The following PRH1 variants were observed in gnomAD, a reference collection of about 807,000 sequenced individuals.
PRH1 encodes salivary acidic proline-rich phosphoprotein 1/2.
PRH1 carries 7 observed loss-of-function variants against 7.9 expected under a neutral mutation model. The observed-to-expected ratio is 0.89, with a 90% confidence interval of 0.50 to 1.67. PRH1 has a LOEUF of 1.67. PRH1 is among the 40% of genes most tolerant of loss of function. The probability of loss-of-function intolerance (pLI) is 0.00; values close to 1 mark genes in which losing one functional copy is unlikely to be tolerated. For synonymous variants in PRH1, 45 were observed against 80.8 expected (o/e 0.56, Z 2.38); for missense variants, 109 against 223.6 (o/e 0.49, Z 3.27).
At chr12:11,118,603 A>C (rs988654269), downstream of PRH1, among the ~76,000 whole-genome samples, 1 of 152,206 alleles carries the variant, frequency 6.6e-6, no homozygotes, top group Non-Finnish European at 1.5e-5. Flanking sequence ...TAAGTGTATC[A>C]AACAGGTATC....
chr12:11,061,584 T>C (rs1196654455), intron 1 of PRH1: 1 of 1,614,078 alleles, frequency 6.2e-7, no homozygotes, highest in Non-Finnish European at 8.5e-7. Context: ...AAATGGCACA[T>C]AACAAGAGGA....
At chr12:11,104,089 G>C (rs1945336045) in intron 1 of PRH1, among the ~76,000 whole-genome samples, 1 of 150,282 alleles carries the variant, frequency 6.7e-6, no homozygotes, top group Non-Finnish European at 1.5e-5. Context: ...TGGACACTAG[G>C]ATGTTCCAGA....
At chr12:11,041,529 G>A (rs1217868706) in intron 1 of PRH1, among the ~76,000 whole-genome samples, 1 of 152,118 alleles carries the variant, frequency 6.6e-6, no homozygotes, top group Non-Finnish European at 1.5e-5. Context: ...TTCAATAATA[G>A]ATGGAGACTT....
At chr12:11,061,918 T>C (rs1943623756) in intron 1 of PRH1, 2 of 1,613,872 alleles carry the variant, frequency 1.2e-6, no homozygotes, top group African/African-American at 1.3e-5. Flanking sequence ...AACAACACTC[T>C]TAACTCTCCT....
chr12:11,161,018 G>T lies in PRH1; in HGVS notation n.39+10404C>A, dbSNP rs368639995. Among the ~76,000 whole-genome samples, 4 of 152,090 alleles carry T rather than the reference G, an allele frequency of 2.6e-5. No homozygotes were observed. In the East Asian group the frequency reaches 5.8e-4, roughly 22 times the overall value. On this transcript the variant is annotated intron_variant and non_coding_transcript_variant, in intron 1 of 1. Transcript: ENST00000541175. ...ACTATATTTCCAAGCCTCTCTTACA[G>T]ATGCAATGTGACTAAAAGCTGAACA...
intron 1 of PRH1, among the ~76,000 whole-genome samples, chr12:11,136,829 T>C (rs1645613356): frequency 6.6e-6 from 1 of 152,206 alleles, no homozygotes; most frequent in Non-Finnish European, 1.5e-5. Context: ...AAGACCAGCC[T>C]GTGCAATACA....
chr12:11,008,199 T>C (rs1940911964), intron 1 of PRH1, among the ~76,000 whole-genome samples: 1 of 152,112 alleles, frequency 6.6e-6, no homozygotes, highest in South Asian at 2.1e-4. Flanking sequence ...AATAAGAAAG[T>C]TTCTACTTCA....
At chr12:10,909,094 C>G in intron 2 of PRH1, 2 of 1,613,594 alleles carry the variant, frequency 1.2e-6, no homozygotes, top group Non-Finnish European at 1.7e-6. Flanking sequence ...TAATGCAGAG[C>G]TAAAAACCAA....
At chr12:10,989,882 G>C (rs11054138) in intron 1 of PRH1, among the ~76,000 whole-genome samples, 51,640 of 152,016 alleles carry the variant, frequency 0.34, 9,855 homozygotes, top group East Asian at 0.74. Flanking sequence ...TTTACATAAA[G>C]TTTTTCCTCT....
intron 1 of PRH1, among the ~76,000 whole-genome samples, chr12:11,131,886 T>C (rs192128833): frequency 6.6e-6 from 1 of 152,180 alleles, no homozygotes; most frequent in Non-Finnish European, 1.5e-5. Context: ...TATCCACCCA[T>C]TTATTTGTTC....
At chr12:11,039,194 T>C (rs1222610207) in intron 1 of PRH1, among the ~76,000 whole-genome samples, 1 of 152,240 alleles carries the variant, frequency 6.6e-6, no homozygotes, top group Non-Finnish European at 1.5e-5. Context: ...TTATCATGTC[T>C]GAATTTTTTT....
intron 1 of PRH1, chr12:11,171,108 G>C (rs951561528): frequency 5.2e-6 from 2 of 387,904 alleles, no homozygotes; most frequent in African/African-American, 4.1e-5. Flanking sequence ...TCCTATTCCA[G>C]AGCCACCTAC....
intron 2 of PRH1, chr12:10,965,068 G>T: frequency 8.8e-7 from 1 of 1,135,128 alleles, no homozygotes; most frequent in Non-Finnish European, 1.3e-6. Context: ...CAACCCAGAT[G>T]CTGAAATGGT....
chr12:11,139,448 A>G (rs1946645681), intron 1 of PRH1, among the ~76,000 whole-genome samples: 1 of 152,230 alleles, frequency 6.6e-6, no homozygotes, highest in Admixed American at 6.5e-5. Flanking sequence ...AATGTAACAA[A>G]TTACAATGTA....
chr12:11,054,552 A>C (rs867223590), intron 1 of PRH1, among the ~76,000 whole-genome samples: 3 of 152,148 alleles, frequency 2.0e-5, no homozygotes, highest in African/African-American at 7.2e-5. Context: ...GTACTATCAA[A>C]ATATTTTTCC....
At chr12:11,130,836 A>G (rs1330764504) in intron 1 of PRH1, among the ~76,000 whole-genome samples, 1 of 152,182 alleles carries the variant, frequency 6.6e-6, no homozygotes, top group Non-Finnish European at 1.5e-5. Flanking sequence ...CTATAAGCAC[A>G]AAACCCTGTA....
intron 2 of PRH1, among the ~76,000 whole-genome samples, chr12:10,893,595 A>T (rs915019459): frequency 6.6e-6 from 1 of 152,230 alleles, no homozygotes; most frequent in Non-Finnish European, 1.5e-5. Flanking sequence ...CATCCTTTGC[A>T]CATGGAAATC....
chr12:11,128,603 G>A (rs1362339017), intron 1 of PRH1, among the ~76,000 whole-genome samples: 1 of 152,102 alleles, frequency 6.6e-6, no homozygotes, highest in Non-Finnish European at 1.5e-5. Context: ...AAATTAGCCA[G>A]GTGGTGGTGG....
chr12:10,929,346 AATTGGGGGAAGAT>A (rs1201371329), intron 2 of PRH1: 1 of 1,613,978 alleles, frequency 6.2e-7, no homozygotes, highest in African/African-American at 1.3e-5. Flanking sequence ...AGGTAAGCCG[AATTGGGGGAAGAT>A]ATTGTGACTC....
Sources: gnomAD v4.1 joint callset for allele counts (sites outside exome capture counted in the v4.1 genomes callset) on GRCh38, gnomAD v4.1.1 for gene constraint, MANE v1.5 for transcripts, NCBI Gene and HGNC (gene_info 2026-07-23, HGNC 2026-07-21) for gene names.